The following SLC4A4 variants were observed in gnomAD, a reference collection of about 807,000 sequenced individuals.
SLC4A4 encodes the protein electrogenic sodium bicarbonate cotransporter 1.
SLC4A4 carries 27 observed loss-of-function variants against 111.5 expected under a neutral mutation model. The ratio of observed to expected loss-of-function variants is 0.24; its 90% CI spans 0.18 to 0.33. The LOEUF is 0.33. Among genes scored for constraint, SLC4A4 ranks in the 10% least tolerant of loss-of-function variants. The pLI is 1.00. For missense variants in SLC4A4, 909 were observed against 1,315.5 expected (o/e 0.69, Z 4.78); for synonymous variants, 443 against 463.4 (o/e 0.96, Z 0.57).
intron 16 of SLC4A4, among the ~76,000 whole-genome samples, chr4:71,503,243 T>TC (rs1731107511): frequency 1.5e-5 from 2 of 130,460 alleles, no homozygotes; most frequent in Admixed American, 1.6e-4. Context: ...AGTTTGGTCT[T>TC]TTTTTTTTTT....
At chr4:71,114,272 T>C (rs1743185309) in intron 2 of SLC4A4, among the ~76,000 whole-genome samples, 2 of 151,906 alleles carry the variant, frequency 1.3e-5, no homozygotes, top group Admixed American at 1.3e-4. Context: ...AACATAGGCA[T>C]GGGCAAGGAC....
intron 16 of SLC4A4, among the ~76,000 whole-genome samples, chr4:71,512,209 T>C (rs982377157): frequency 7.2e-5 from 11 of 152,160 alleles, no homozygotes; most frequent in Non-Finnish European, 1.5e-4. Context: ...AGTGTTTCCA[T>C]AGTGACTGTG....
chr4:71,388,388 T>C (rs894015048), intron 6 of SLC4A4, among the ~76,000 whole-genome samples: 1 of 152,160 alleles, frequency 6.6e-6, no homozygotes, highest in African/African-American at 2.4e-5. Context: ...TATAGGGACT[T>C]TTTTATTTAG....
At chr4:71,141,391 C>T (rs1743991951) in intron 2 of SLC4A4, among the ~76,000 whole-genome samples, 1 of 152,130 alleles carries the variant, frequency 6.6e-6, no homozygotes, top group South Asian at 2.1e-4. Context: ...GGCTCATTTT[C>T]CACTATTCTT....
chr4:71,276,869 A>T (rs891112902), intron 3 of SLC4A4, among the ~76,000 whole-genome samples: 1 of 151,744 alleles, frequency 6.6e-6, no homozygotes, highest in African/African-American at 2.4e-5. Flanking sequence ...GCAATATGGC[A>T]AAACCTTGTC....
chr4:71,500,563 A>C (rs1730823250), intron 16 of SLC4A4, among the ~76,000 whole-genome samples: 1 of 151,830 alleles, frequency 6.6e-6, no homozygotes, highest in South Asian at 2.1e-4. Flanking sequence ...CTCGTGACCC[A>C]CTCGCCTTGG....
chr4:71,196,287 A>G (rs1204806613), intron 1 of SLC4A4, among the ~76,000 whole-genome samples: 1 of 152,208 alleles, frequency 6.6e-6, no homozygotes, highest in African/African-American at 2.4e-5. Context: ...AGCATTAACG[A>G]TTAAGCAGAG....
chr4:71,329,880 G>A (rs562071626), intron 3 of SLC4A4, among the ~76,000 whole-genome samples: 1 of 152,162 alleles, frequency 6.6e-6, no homozygotes, highest in African/African-American at 2.4e-5. Context: ...GGGCATCCTT[G>A]TCTTGTTTTA....
intron 7 of SLC4A4, among the ~76,000 whole-genome samples, chr4:71,406,950 G>T (rs1240247773): frequency 6.6e-6 from 1 of 152,120 alleles, no homozygotes; most frequent in East Asian, 1.9e-4. Context: ...ATGCTTTGGG[G>T]TTGGTACTGT....
chr4:71,451,942 A>G (rs1269279529), intron 11 of SLC4A4, among the ~76,000 whole-genome samples: 4 of 152,192 alleles, frequency 2.6e-5, no homozygotes, highest in African/African-American at 4.8e-5. Flanking sequence ...TTAGCCTGCA[A>G]TTGGGAATTC....
At chr4:71,358,432 T>C (rs1469046958) in intron 6 of SLC4A4, among the ~76,000 whole-genome samples, 1 of 152,136 alleles carries the variant, frequency 6.6e-6, no homozygotes, top group Admixed American at 6.5e-5. Context: ...GTGGAGTAAC[T>C]GAATTGCAAC....
At chr4:71,505,655 A>T (rs778969982) in intron 16 of SLC4A4, among the ~76,000 whole-genome samples, 5 of 152,036 alleles carry the variant, frequency 3.3e-5, no homozygotes, top group African/African-American at 4.8e-5. Context: ...GTTTACAATG[A>T]TGATCGTTTC....
At chr4:71,473,020 G>A (rs772622470) in intron 14 of SLC4A4, 50 bp downstream of exon 14, 8 of 1,603,224 alleles carry the variant, frequency 5.0e-6, no homozygotes, top group Non-Finnish European at 6.8e-6. Context: ...TTGGAGGAAG[G>A]TGTAGGCTCC....
chr4:71,502,202 C>T (rs1215520213), intron 16 of SLC4A4, among the ~76,000 whole-genome samples: 2 of 152,216 alleles, frequency 1.3e-5, no homozygotes, highest in Non-Finnish European at 2.9e-5. Context: ...CTCAAGTGAT[C>T]CACCAGCCTC....
At chr4:71,131,678 G>T (rs1743711674) in intron 2 of SLC4A4, among the ~76,000 whole-genome samples, 1 of 152,192 alleles carries the variant, frequency 6.6e-6, no homozygotes, top group African/African-American at 2.4e-5. Context: ...ACCTTGTCAT[G>T]ATGCCAGATT....
At chr4:71,344,349 G>C (rs1170422382) in intron 4 of SLC4A4, among the ~76,000 whole-genome samples, 1 of 152,070 alleles carries the variant, frequency 6.6e-6, no homozygotes, top group East Asian at 1.9e-4. Flanking sequence ...TACTATCTGG[G>C]ACATACCCTG....
intron 3 of SLC4A4, among the ~76,000 whole-genome samples, chr4:71,300,060 AT>A (rs941654104): frequency 1.3e-5 from 2 of 152,176 alleles, no homozygotes; most frequent in Non-Finnish European, 2.9e-5. Flanking sequence ...AATCAAACCC[AT>A]TTTTCATGTC....
chr4:71,233,459 C>T (rs977410517), intron 1 of SLC4A4: 1 of 244,868 alleles, frequency 4.1e-6, no homozygotes, highest in African/African-American at 2.3e-5. Context: ...GGATTCTTAC[C>T]TCATTGACTG....
At chr4:71,523,319 T>C (rs1733126472) in intron 16 of SLC4A4, among the ~76,000 whole-genome samples, 1 of 152,164 alleles carries the variant, frequency 6.6e-6, no homozygotes. Flanking sequence ...ATTTTTAAAG[T>C]CAAATTTGTT....
Sources: allele counts gnomAD v4.1 joint callset (sites outside exome capture counted in the v4.1 genomes callset), GRCh38; gene constraint gnomAD v4.1.1; transcripts MANE v1.5; gene names NCBI Gene and HGNC (gene_info 2026-07-23, HGNC 2026-07-21).